Variants in TMEM74 observed in about 807,000 individuals in gnomAD.
TMEM74 encodes transmembrane protein 74.
A neutral mutation model predicts 18.1 loss-of-function variants in TMEM74; 13 were observed. The observed-to-expected ratio is 0.72, with a 90% CI of 0.47 to 1.14. The LOEUF is 1.14. Among genes scored for constraint, TMEM74 ranks in the 50% most tolerant of loss-of-function variants. TMEM74 has a pLI of 0.00. For synonymous variants in TMEM74, 159 were observed against 146.6 expected, an observed-to-expected ratio of 1.08 and a Z score of -0.61; for missense variants, 372 against 375.9, an observed-to-expected ratio of 0.99 and a Z score of 0.09.
chr8:108,727,394 G>A (rs141705252), intron 1 of TMEM74, among the ~76,000 whole-genome samples: 2 of 152,298 alleles, frequency 1.3e-5, no homozygotes, highest in East Asian at 3.9e-4. Flanking sequence ...ATGATGACAA[G>A]TGGCAAGATT....
intron 2 of TMEM74, among the ~76,000 whole-genome samples, chr8:108,646,728 A>ATT (rs76816827): frequency 0.011 from 1,622 of 152,286 alleles, 14 homozygotes; most frequent in Middle Eastern, 0.034. Flanking sequence ...CAAGATATTT[A>ATT]AACATTAGCT....
intron 1 of TMEM74, among the ~76,000 whole-genome samples, chr8:108,695,756 A>C (rs919211239): frequency 6.6e-5 from 10 of 152,308 alleles, no homozygotes; most frequent in Admixed American, 5.9e-4. Context: ...AACTAAAAAA[A>C]GGGGGAAGGG....
At chr8:108,777,989 T>A (rs7844694), downstream of TMEM74, among the ~76,000 whole-genome samples, 2 of 151,932 alleles carry the variant, frequency 1.3e-5, no homozygotes, top group Non-Finnish European at 2.9e-5. Context: ...GTGACAATTT[T>A]TTTTTAAGCA....
intron 1 of TMEM74, among the ~76,000 whole-genome samples, chr8:108,685,449 A>G (rs12675124): frequency 0.47 from 71,677 of 151,946 alleles, 17,404 homozygotes; most frequent in East Asian, 0.7. Flanking sequence ...TTGACTAACT[A>G]TTCTGGCTAG....
At chr8:108,756,599 A>AGAAAGGGAGG (rs1586286215) in intron 1 of TMEM74, among the ~76,000 whole-genome samples, 44 of 51,548 alleles carry the variant, frequency 8.5e-4, no homozygotes, top group East Asian at 1.8e-3. Context: ...AAAGAAAGAG[A>AGAAAGGGAGG]AAGGAAGGAA....
intron 1 of TMEM74, chr8:108,655,441 T>C (rs1005929558): frequency 6.6e-6 from 1 of 151,440 alleles, no homozygotes; most frequent in African/African-American, 2.4e-5. Flanking sequence ...CATGTCTCTG[T>C]AAAATAAAAA....
chr8:108,708,809 C>CAAAAAAAAAAAAA (rs71564016), intron 1 of TMEM74, among the ~76,000 whole-genome samples: 20 of 17,934 alleles, frequency 1.1e-3, no homozygotes, highest in African/African-American at 2.4e-3. Flanking sequence ...AACTCAATAG[C>CAAAAAAAAAAAAA]AAAAAAAAAA....
intron 1 of TMEM74, among the ~76,000 whole-genome samples, chr8:108,765,029 C>T (rs1814087977): frequency 6.6e-6 from 1 of 152,106 alleles, no homozygotes; most frequent in Non-Finnish European, 1.5e-5. Context: ...CTTCCGTTTT[C>T]AGCCTATCAA....
At position 108,672,156 on chromosome 8, in the gene TMEM74, G is replaced by C. The variant is rs532524775; in HGVS notation, n.120-16719C>G. Among the ~76,000 whole-genome samples, 5 of 152,288 alleles carry C rather than the reference G, an allele frequency of 3.3e-5. No individual in the cohort carries two copies. The East Asian group carries it at 9.7e-4, about 29-fold the overall frequency. On this transcript the variant is annotated intron_variant and non_coding_transcript_variant, in intron 1 of 3. Transcript: ENST00000518838. ...CCGTCCAACTGAGTGTGGTTAGTTTGTGTAACTGAAGCCAAGCAAAGCTAA... is the reference window on the plus strand; with the variant it reads ...CCGTCCAACTGAGTGTGGTTAGTTTCTGTAACTGAAGCCAAGCAAAGCTAA...
At chr8:108,680,144 G>T (rs2130598016) in intron 1 of TMEM74, among the ~76,000 whole-genome samples, 1 of 152,212 alleles carries the variant, frequency 6.6e-6, no homozygotes, top group Admixed American at 6.5e-5. Flanking sequence ...GAAAAAGAGG[G>T]AATCCTCCCT....
intron 2 of TMEM74, among the ~76,000 whole-genome samples, chr8:108,611,384 A>G (rs1457444937): frequency 6.6e-6 from 1 of 152,238 alleles, no homozygotes; most frequent in East Asian, 1.9e-4. Flanking sequence ...CAAACAAGTC[A>G]TGTAAAATAT....
chr8:108,769,021 G>T (rs1266103015), intron 1 of TMEM74, among the ~76,000 whole-genome samples: 1 of 152,080 alleles, frequency 6.6e-6, no homozygotes, highest in African/African-American at 2.4e-5. Context: ...TGTCACGTGA[G>T]GCAGGGCATG....
intron 2 of TMEM74, among the ~76,000 whole-genome samples, chr8:108,647,388 A>G (rs1408083914): frequency 6.6e-6 from 1 of 152,092 alleles, no homozygotes; most frequent in Non-Finnish European, 1.5e-5. Flanking sequence ...CACACAACCA[A>G]TTTGTATTAT....
intron 2 of TMEM74, among the ~76,000 whole-genome samples, chr8:108,643,761 A>AG (rs1355928135): frequency 1.3e-5 from 2 of 151,560 alleles, no homozygotes; most frequent in Non-Finnish European, 2.9e-5. Flanking sequence ...AGACAAAAGA[A>AG]AAAAAAAACA....
At chr8:108,720,898 A>G (rs1813580893) in intron 1 of TMEM74, among the ~76,000 whole-genome samples, 2 of 152,058 alleles carry the variant, frequency 1.3e-5, no homozygotes, top group African/African-American at 4.8e-5. Context: ...CCTCTGGAGT[A>G]GCTGGGATTA....
At chr8:108,785,656 A>G (rs944466788) in intron 1 of TMEM74, among the ~76,000 whole-genome samples, 2 of 152,212 alleles carry the variant, frequency 1.3e-5, no homozygotes, top group African/African-American at 4.8e-5. Flanking sequence ...CATCACCATC[A>G]GTGAATGACT....
At chr8:108,703,810 C>T (rs917595717) in intron 1 of TMEM74, among the ~76,000 whole-genome samples, 5 of 152,336 alleles carry the variant, frequency 3.3e-5, no homozygotes, top group Middle Eastern at 3.4e-3. Flanking sequence ...AATGCCCTTA[C>T]GGCAGGGTAG....
chr8:108,614,060 A>AT (rs1424745554), intron 2 of TMEM74, among the ~76,000 whole-genome samples: 2 of 135,936 alleles, frequency 1.5e-5, no homozygotes, highest in Non-Finnish European at 3.2e-5. Context: ...TGTATGGGGT[A>AT]TTTTTTTAAA....
intron 1 of TMEM74, among the ~76,000 whole-genome samples, chr8:108,690,836 T>A (rs199902289): frequency 3.7e-4 from 56 of 151,408 alleles, no homozygotes; most frequent in African/African-American, 9.4e-4. Flanking sequence ...AAATAAAAAA[T>A]AATAATAATA....
Sources: allele counts gnomAD v4.1 joint callset (sites outside exome capture counted in the v4.1 genomes callset), GRCh38; gene constraint gnomAD v4.1.1; transcripts MANE v1.5; gene names NCBI Gene and HGNC (gene_info 2026-07-23, HGNC 2026-07-21).